Variants in TCAF1 observed in about 807,000 individuals in gnomAD.
The protein encoded by TCAF1 is TRPM8 channel-associated factor 1.
TCAF1 carries 4 observed loss-of-function variants against 27.3 expected under a neutral mutation model. The ratio of observed to expected loss-of-function variants is 0.15; its 90% confidence interval spans 0.07 to 0.34. The LOEUF (loss-of-function observed/expected upper bound fraction) is 0.34, where lower values mean the gene tolerates loss of function less well. Among genes scored for constraint, TCAF1 ranks in the 10% least tolerant of loss-of-function variants. TCAF1 has a pLI of 1.00. For missense variants in TCAF1, 257 were observed against 425.8 expected, an observed-to-expected ratio of 0.60 and a Z score of 3.49; for synonymous variants, 105 against 167.1, an observed-to-expected ratio of 0.63 and a Z score of 2.87.
intron 1 of TCAF1, chr7:143,882,376 T>C: frequency 1.0e-6 from 1 of 985,344 alleles, no homozygotes; most frequent in Non-Finnish European, 1.2e-6. Flanking sequence ...CCGGGCCTTC[T>C]CATCCGACAA....
At chr7:143,892,723 G>A (rs932421314) in intron 1 of TCAF1, among the ~76,000 whole-genome samples, 1 of 152,036 alleles carries the variant, frequency 6.6e-6, no homozygotes, top group Admixed American at 6.6e-5. Flanking sequence ...TAGGAAGTGG[G>A]CCTTTGGGAG....
intron 2 of TCAF1, among the ~76,000 whole-genome samples, chr7:143,875,153 C>A (rs1423001020): frequency 6.6e-6 from 1 of 152,180 alleles, no homozygotes; most frequent in African/African-American, 2.4e-5. Flanking sequence ...GCTCCATTCC[C>A]ATCAGTCAGA....
chr7:143,897,565 C>G (rs1352482333), intron 1 of TCAF1, among the ~76,000 whole-genome samples: 1 of 151,916 alleles, frequency 6.6e-6, no homozygotes, highest in Non-Finnish European at 1.5e-5. Context: ...GGGTCAGTAT[C>G]CCGACTGCTC....
In TCAF1 at chr7:143,883,500, CTTTTT is replaced by C. The variant is rs374825743; in HGVS notation, c.-14-6883_-14-6879del. Among the ~76,000 whole-genome samples, 78 of 98,072 alleles carry C rather than the reference CTTTTT, an allele frequency of 8.0e-4. No individual in the cohort carries two copies. In the East Asian group the frequency reaches 8.4e-3, roughly 11 times the overall value. The allele number at this position is 98,072 out of a possible 152,430, so 64.3% of individuals were successfully genotyped here. ...AATCGCATTTCTTTCTTTCCTTTTT[CTTTTT>C]TTTTTTTTTTTTTTTTTTGAGACGG... On this transcript the variant is annotated intron_variant, in intron 1 of 8. Coordinates refer to ENST00000479870, the MANE Select transcript of TCAF1 (RefSeq NM_014719.3).
rs530216934 is a variant in TCAF1, at chr7:143,852,741, A to T, written c.*1392T>A. The T allele has an allele frequency of 6.6e-6, 1 of 150,812 alleles. No individual in the cohort carries two copies. Among genetic ancestry groups the T allele is most frequent in the South Asian group, 2.1e-4 (1 of 4,700 alleles). The allele number at this position is 150,812 out of a possible 1,614,324, so 9.3% of individuals were successfully genotyped here. A position where few individuals can be genotyped will look rare whatever the true frequency, so the allele number is the denominator to read the frequency against. On this transcript the variant is annotated 3_prime_UTR_variant, in exon 9 of 9. Coordinates refer to ENST00000479870, the MANE Select transcript of TCAF1 (RefSeq NM_014719.3). ...CATTTGTTTTCTCCCTGGCCACTTT[A>T]ATATCTTCCTTCTATCCTTAATATT...
chr7:143,897,712 C>CTATAGTA (rs1813952860), intron 1 of TCAF1, among the ~76,000 whole-genome samples: 4 of 152,040 alleles, frequency 2.6e-5, no homozygotes, highest in Admixed American at 2.6e-4. Context: ...CATAGGAAAA[C>CTATAGTA]CTAAATAGTA....
intron 1 of TCAF1, among the ~76,000 whole-genome samples, chr7:143,888,654 C>T (rs1160552941): frequency 3.3e-5 from 5 of 152,164 alleles, no homozygotes; most frequent in African/African-American, 1.2e-4. Flanking sequence ...TTGAGGTGGT[C>T]CCAATTTGCT....
At chr7:143,882,446 C>G (rs1235458865) in intron 1 of TCAF1, 17 of 985,308 alleles carry the variant, frequency 1.7e-5, no homozygotes. Context: ...CCACACAAAG[C>G]AAGCACACAC....
At chr7:143,883,507 T>TC (rs1220420691) in intron 1 of TCAF1, among the ~76,000 whole-genome samples, 2 of 135,434 alleles carry the variant, frequency 1.5e-5, no homozygotes, top group East Asian at 2.1e-4. Context: ...TTTCTTTTTT[T>TC]TTTTTTTTTT....
At chr7:143,889,366 G>T (rs1333146247) in intron 1 of TCAF1, among the ~76,000 whole-genome samples, 1 of 152,032 alleles carries the variant, frequency 6.6e-6, no homozygotes, top group Non-Finnish European at 1.5e-5. Flanking sequence ...TATCTGTAGT[G>T]AATTAAAGAA....
Position 143,876,724 on chromosome 7 carries a change from A to G in TCAF1, c.-14-102T>C, listed in dbSNP as rs116757270. On this transcript the variant is annotated intron_variant, in intron 1 of 8. Coordinates refer to ENST00000479870, the MANE Select transcript of TCAF1 (RefSeq NM_014719.3). ...CAGTAGCTGGGCTATTCTTCCCACT[A>G]TGCAGATGAGGCTGACACTGGGAAA... The G allele has an allele frequency of 1.0e-5, 9 of 903,664 alleles. No individual in the cohort carries two copies. In the African/African-American group the frequency reaches 1.0e-4, roughly 10 times the overall value. The allele number at this position is 903,664 out of a possible 1,614,324, so 56.0% of individuals were successfully genotyped here. A position where few individuals can be genotyped will look rare whatever the true frequency, so the allele number is the denominator to read the frequency against.
Position 143,887,276 on chromosome 7 carries a change from C to T in TCAF1, c.-14-10654G>A, listed in dbSNP as rs73725415. On this transcript the variant is annotated intron_variant, in intron 1 of 8. Transcript: ENST00000479870. ...TTAAAAATCCATATCAAAAATATTA[C>T]GCAATTCTTTAAAATGAGCTCAATT... 9.5e-3 allele frequency among the ~76,000 whole-genome samples: 1,439 copies of T among 152,096 alleles called. 25 individuals carry two copies. Among genetic ancestry groups the T allele is most frequent in the African/African-American group, 0.031 (1,301 of 41,486 alleles).
chr7:143,891,156 T>TTA, intron 1 of TCAF1, among the ~76,000 whole-genome samples: 1 of 152,318 alleles, frequency 6.6e-6, no homozygotes, highest in Middle Eastern at 3.4e-3. Context: ...TGCTGGTACT[T>TTA]TATCTGCCCA....
intron 1 of TCAF1, among the ~76,000 whole-genome samples, chr7:143,891,900 T>A (rs1194167905): frequency 6.6e-6 from 1 of 151,888 alleles, no homozygotes; most frequent in African/African-American, 2.4e-5. Context: ...TTCATTTAAA[T>A]GAACAAAAAA....
At position 143,852,954 on chromosome 7, in the gene TCAF1, TTCTA is replaced by T. The variant is rs1467927536; in HGVS notation, c.*1175_*1178del. On this transcript the variant is annotated 3_prime_UTR_variant, in exon 9 of 9. Transcript: ENST00000479870. Reference sequence around the variant, plus strand: ...ATGTCTTTTTTCTTTCTTTATATTTTTCTATCTATTTCTTTTTGCTCTTTATCTG... The same window carrying T: ...ATGTCTTTTTTCTTTCTTTATATTTTTCTATTTCTTTTTGCTCTTTATCTG... The T allele has an allele frequency of 3.8e-4, 55 of 144,968 alleles. No individual in the cohort carries two copies. Among genetic ancestry groups the T allele is most frequent in the African/African-American group, 1.3e-3 (48 of 38,318 alleles). The allele number at this position is 144,968 out of a possible 1,614,324, so 9.0% of individuals were successfully genotyped here.
intron 1 of TCAF1, among the ~76,000 whole-genome samples, chr7:143,888,942 A>C (rs1297439367): frequency 6.6e-6 from 1 of 152,184 alleles, no homozygotes; most frequent in African/African-American, 2.4e-5. Flanking sequence ...TAGAAACTAG[A>C]AACTTGAACA....
intron 1 of TCAF1, among the ~76,000 whole-genome samples, chr7:143,883,500 C>CTTTTTTTTTTTTTTTTTT (rs374825743): frequency 1.0e-5 from 1 of 98,092 alleles, no homozygotes; most frequent in Non-Finnish European, 1.9e-5. Flanking sequence ...TTTCCTTTTT[C>CTTTTTTTTTTTTTTTTTT]TTTTTTTTTT....
rs1812720249 is a variant in TCAF1, at chr7:143,876,438, G to A, written c.171C>T (p.Gly57=). Residue 57 remains glycine, a synonymous_variant, in exon 2 of 9, where the codon GGC becomes GGT. Transcript: ENST00000479870. ...VLIAASSYGR[G]RLVVVSHEDY... ...CCTCATGGGACACGACCACCAGGCG[G>A]CCACGGCCATAGGAGGAGGCAGCAA... is the stretch of plus-strand genomic sequence containing the variant. 2 of 1,610,598 alleles carry A rather than the reference G, an allele frequency of 1.2e-6. No homozygotes were observed. The highest frequency in any genetic ancestry group is 2.2e-5 in the East Asian group (1 of 44,872).
intron 1 of TCAF1, among the ~76,000 whole-genome samples, chr7:143,896,210 T>C (rs1813865179): frequency 6.6e-6 from 1 of 151,760 alleles, no homozygotes; most frequent in Non-Finnish European, 1.5e-5. Flanking sequence ...CAAAGAAACC[T>C]TGATTTGATC....
Sources: allele counts gnomAD v4.1 joint callset (sites outside exome capture counted in the v4.1 genomes callset), GRCh38; gene constraint gnomAD v4.1.1; transcripts MANE v1.5; gene names NCBI Gene and HGNC (gene_info 2026-07-23, HGNC 2026-07-21).